The following RIMS3 variants were observed in gnomAD, a reference collection of about 807,000 sequenced individuals.
RIMS3 encodes the protein regulating synaptic membrane exocytosis protein 3.
RIMS3 carries 15 observed loss-of-function variants against 29.2 expected under a neutral mutation model. The observed-to-expected ratio is 0.51, with a 90% CI of 0.34 to 0.79. The LOEUF (loss-of-function observed/expected upper bound fraction) is 0.79, where lower values mean the gene tolerates loss of function less well. Among genes scored for constraint, RIMS3 ranks in the 30% least tolerant of loss-of-function variants. The pLI, the probability that RIMS3 is intolerant of heterozygous loss-of-function variation, is 0.01. For missense variants in RIMS3, 342 were observed against 421.4 expected (o/e 0.81, Z 1.65); for synonymous variants, 161 against 170.1 (o/e 0.95, Z 0.41).
At chr1:40,632,150 C>T (rs1646492999) in intron 5 of RIMS3, among the ~76,000 whole-genome samples, 1 of 152,026 alleles carries the variant, frequency 6.6e-6, no homozygotes, top group Non-Finnish European at 1.5e-5. Flanking sequence ...TCCTGAGCAG[C>T]TGGGACTACA....
chr1:40,621,335 G>T lies in RIMS3; in HGVS notation c.*5182C>A, dbSNP rs1179664965. The T allele has an allele frequency of 6.6e-6, 1 of 152,202 alleles. No individual in the cohort carries two copies. The highest frequency in any genetic ancestry group is 1.5e-5 in the Non-Finnish European group (1 of 68,046). 9.4% of individuals were successfully genotyped at this position (152,202 alleles called of 1,614,324 possible). On this transcript the variant is annotated 3_prime_UTR_variant, in exon 8 of 8. Coordinates refer to ENST00000372684, the MANE Select transcript of RIMS3 (RefSeq NM_014747.3). The stretch of plus-strand genomic sequence containing the variant: ...ACCTTGAAAATTGTCCATTGTAGAT[G>T]ACCCTTAATTATGTCTCATCATTAC...
Position 40,641,913 on chromosome 1 carries a change from C to G in RIMS3, c.13G>C (p.Glu5Gln), listed in dbSNP as rs1331635332. Residue 5 changes from glutamate (E) to glutamine (Q), a missense_variant, in exon 3 of 8, where the codon GAG (glutamate) becomes CAG (glutamine). Coordinates refer to ENST00000372684, the MANE Select transcript of RIMS3 (RefSeq NM_014747.3). Reference sequence around the variant, plus strand: ...GCCCCAGATGAGGCAGGACCTGGCTCCCCGTTAAACATGGTCCCCGGGGTG... The same window carrying G: ...GCCCCAGATGAGGCAGGACCTGGCTGCCCGTTAAACATGGTCCCCGGGGTG... MFNG[E>Q]PGPASSGASR... The G allele has an allele frequency of 3.7e-6, 6 of 1,613,474 alleles. No individual in the cohort carries two copies. Among genetic ancestry groups the G allele is most frequent in the African/African-American group, 1.3e-5 (1 of 74,926 alleles).
Position 40,624,623 on chromosome 1 carries a change from C to G in RIMS3, c.*1894G>C, listed in dbSNP as rs1249242703. On this transcript the variant is annotated 3_prime_UTR_variant, in exon 8 of 8. Transcript: ENST00000372684. ...TCCGTTCATTTCCTTCCTGCCCTTA[C>G]CCACTTCTTGTCCTGTGGGCAGGCC... The G allele has an allele frequency of 6.6e-6, 1 of 152,486 alleles. No individual in the cohort carries two copies. Among genetic ancestry groups the G allele is most frequent in the Non-Finnish European group, 1.5e-5 (1 of 68,114 alleles). The allele number at this position is 152,486 out of a possible 1,614,324, so 9.4% of individuals were successfully genotyped here.
At chr1:40,647,066 A>T (rs1037105309) in intron 2 of RIMS3, among the ~76,000 whole-genome samples, 5 of 152,058 alleles carry the variant, frequency 3.3e-5, no homozygotes, top group African/African-American at 4.8e-5. Context: ...TTTTTAGTAG[A>T]GATGGGGTTT....
At chr1:40,668,133 C>T (rs866814506), upstream of RIMS3, among the ~76,000 whole-genome samples, 1 of 151,762 alleles carries the variant, frequency 6.6e-6, no homozygotes, top group Non-Finnish European at 1.5e-5. Flanking sequence ...CACCTGTAGT[C>T]CCAACTACTT....
intron 1 of RIMS3, among the ~76,000 whole-genome samples, chr1:40,664,996 G>T (rs1336362671): frequency 6.6e-6 from 1 of 152,156 alleles, no homozygotes; most frequent in Non-Finnish European, 1.5e-5. Flanking sequence ...AAAAGTGGCT[G>T]CTTCTCAACC....
chr1:40,670,587 T>TAA (rs1215509321), upstream of RIMS3, among the ~76,000 whole-genome samples: 1 of 121,754 alleles, frequency 8.2e-6, no homozygotes, highest in South Asian at 2.6e-4. Flanking sequence ...TATATATATA[T>TAA]ATATATATAT....
At position 40,626,334 on chromosome 1, in the gene RIMS3, A is replaced by ACACACACGCACG. The variant is rs999127368; in HGVS notation, c.*171_*182dup. On this transcript the variant is annotated 3_prime_UTR_variant, in exon 8 of 8. Transcript: ENST00000372684. ...ATAGAACGTGGTCACGTACACACAC[A>ACACACACGCACG]CACACACGCACGCACACACGCACAC... is the stretch of plus-strand genomic sequence containing the variant. 1.5e-6 allele frequency: 1 copy of ACACACACGCACG among 653,962 alleles called. No individual in the cohort carries two copies. 40.5% of individuals were successfully genotyped at this position (653,962 alleles called of 1,614,324 possible).
chr1:40,634,437 T>A (rs1570174934), intron 4 of RIMS3, among the ~76,000 whole-genome samples: 1 of 152,138 alleles, frequency 6.6e-6, no homozygotes, highest in Admixed American at 6.5e-5. Context: ...AAACTTAGAC[T>A]CTCAAGGTCA....
chr1:40,640,416 G>A (rs1382081806), intron 3 of RIMS3, among the ~76,000 whole-genome samples: 4 of 152,096 alleles, frequency 2.6e-5, no homozygotes, highest in Non-Finnish European at 2.9e-5. Flanking sequence ...ACCAGCCCAC[G>A]TGCTACTGTC....
At position 40,623,245 on chromosome 1, in the gene RIMS3, G is replaced by C. The variant is rs968979679; in HGVS notation, c.*3272C>G. The C allele has an allele frequency of 2.5e-6, 1 of 396,268 alleles. No individual in the cohort carries two copies. The highest frequency in any genetic ancestry group is 4.4e-6 in the Non-Finnish European group (1 of 225,194). The allele number at this position is 396,268 out of a possible 1,614,324, so 24.5% of individuals were successfully genotyped here. On this transcript the variant is annotated 3_prime_UTR_variant, in exon 8 of 8. Coordinates refer to ENST00000372684, the MANE Select transcript of RIMS3 (RefSeq NM_014747.3). ...TAGAATTGGGTGGTAGAAGAAACCAGATGGGGAGTCATTTTGGAGATGATT... is the reference window on the plus strand; with the variant it reads ...TAGAATTGGGTGGTAGAAGAAACCACATGGGGAGTCATTTTGGAGATGATT...
chr1:40,653,715 C>T (rs773487260), intron 1 of RIMS3, among the ~76,000 whole-genome samples: 40 of 152,122 alleles, frequency 2.6e-4, no homozygotes, highest in Non-Finnish European at 2.9e-4. Flanking sequence ...TGGGGAACTC[C>T]CAGGGCAGAG....
At chr1:40,681,526 A>G in the RIMS3 span, 1 of 152,152 alleles carries the variant, frequency 6.6e-6, no homozygotes. Flanking sequence ...TGGAGAAATT[A>G]CACGTCTTCT....
chr1:40,637,580 A>G (rs1646529042), intron 3 of RIMS3, among the ~76,000 whole-genome samples: 1 of 152,174 alleles, frequency 6.6e-6, no homozygotes, highest in Admixed American at 6.5e-5. Context: ...AGCAGCAGCA[A>G]TCACATATAT....
the RIMS3 span, among the ~76,000 whole-genome samples, chr1:40,682,739 A>ATTTTTTTTTTTTT: frequency 7.7e-4 from 36 of 46,456 alleles, no homozygotes; most frequent in African/African-American, 1.0e-3. Flanking sequence ...CCCTTTGCAG[A>ATTTTTTTTTTTTT]TCTTTTTTTT....
chr1:40,633,318 T>C, intron 4 of RIMS3, 137 bp from the exon 5 acceptor site: 1 of 628,334 alleles, frequency 1.6e-6, no homozygotes, highest in Non-Finnish European at 2.9e-6. Flanking sequence ...CTAAACAGTA[T>C]GATTGCACTA....
Position 40,641,706 on chromosome 1 carries a change from C to T in RIMS3, c.217+3G>A. 1 of 1,614,088 alleles carries T rather than the reference C, an allele frequency of 6.2e-7. No individual in the cohort carries two copies. The highest frequency in any genetic ancestry group is 8.5e-7 in the Non-Finnish European group (1 of 1,179,962). On this transcript the variant is annotated splice_donor_region_variant and intron_variant, in intron 3 of 7. Transcript: ENST00000372684. ...TACCCCGTGATGTCCCATGCCCCCT[C>T]ACCAGGCTGCGGAAGCTGGAGTGTG... is the stretch of plus-strand genomic sequence containing the variant.
At chr1:40,629,163 C>A (rs1330993467) in intron 6 of RIMS3, 108 bp downstream of exon 6, 1 of 1,145,786 alleles carries the variant, frequency 8.7e-7, no homozygotes, top group African/African-American at 1.5e-5. Context: ...AGCTGTGACT[C>A]CACTGTAAAG....
chr1:40,640,385 A>G (rs550068322), intron 3 of RIMS3, among the ~76,000 whole-genome samples: 1 of 152,052 alleles, frequency 6.6e-6, no homozygotes, highest in South Asian at 2.1e-4. Context: ...AAACCACATC[A>G]CAGCTTGATT....
Sources: gnomAD v4.1 joint callset for allele counts (sites outside exome capture counted in the v4.1 genomes callset) on GRCh38, gnomAD v4.1.1 for gene constraint, MANE v1.5 for transcripts, NCBI Gene and HGNC (gene_info 2026-07-23, HGNC 2026-07-21) for gene names.